The following DIAPH2 variants were observed in gnomAD, a reference collection of about 807,000 sequenced individuals.
DIAPH2 encodes protein diaphanous homolog 2.
DIAPH2 carries 35 observed loss-of-function variants against 92.7 expected under a neutral mutation model. That is an observed-to-expected ratio of 0.38 (90% CI 0.29 to 0.50). The LOEUF (loss-of-function observed/expected upper bound fraction) is 0.50. Among genes scored for constraint, DIAPH2 ranks in the 20% least tolerant of loss-of-function variants. The pLI, the probability that DIAPH2 is intolerant of heterozygous loss-of-function variation, is 0.94. For synonymous variants in DIAPH2, 301 were observed against 280.4 expected, an observed-to-expected ratio of 1.07 and a Z score of -0.73; for missense variants, 701 against 819.5, an observed-to-expected ratio of 0.86 and a Z score of 1.77.
intron 26 of DIAPH2, among the ~76,000 whole-genome samples, chrX:97,579,743 G>A (rs771413298): frequency 6.4e-5 from 7 of 110,016 alleles, no homozygotes; most frequent in African/African-American, 2.0e-4. Flanking sequence ...CATTGAATCT[G>A]TAAATTACCT....
At chrX:97,572,824 T>A (rs2147875131) in intron 26 of DIAPH2, among the ~76,000 whole-genome samples, 1 of 111,715 alleles carries the variant, frequency 9.0e-6, no homozygotes, top group East Asian at 2.8e-4. Flanking sequence ...TCTACTAAAT[T>A]AATTATTTCT....
chrX:97,373,680 C>T (rs969812557), intron 24 of DIAPH2, among the ~76,000 whole-genome samples: 1 of 99,567 alleles, frequency 1.0e-5, no homozygotes, highest in African/African-American at 3.7e-5. Context: ...CGACTCGGCT[C>T]ACTGCAACCT....
At chrX:97,097,353 G>C (rs2066876376) in intron 19 of DIAPH2, among the ~76,000 whole-genome samples, 1 of 111,899 alleles carries the variant, frequency 8.9e-6, no homozygotes, top group Admixed American at 9.5e-5. Flanking sequence ...TAATTCGCAA[G>C]TACAACTTAC....
At chrX:96,929,014 G>A (rs1221502546) in intron 9 of DIAPH2, among the ~76,000 whole-genome samples, 1 of 111,180 alleles carries the variant, frequency 9.0e-6, no homozygotes, top group Admixed American at 9.6e-5. Context: ...TTTACTTGTA[G>A]GGTATTAATA....
chrX:97,482,543 G>A (rs767913027), intron 26 of DIAPH2, among the ~76,000 whole-genome samples: 2 of 111,631 alleles, frequency 1.8e-5, no homozygotes, highest in Admixed American at 1.9e-4. Flanking sequence ...ACAGCAGGGG[G>A]GAGAATTTGG....
rs773629206 is a variant in DIAPH2 at position 97,146,583 on chromosome X, A to G, written c.2719+4789A>G. Among the ~76,000 whole-genome samples, 3 of 111,590 alleles carry G rather than the reference A, an allele frequency of 2.7e-5. No homozygotes were observed. In the Admixed American group the frequency reaches 2.9e-4, roughly 11 times the overall value. On this transcript the variant is annotated intron_variant, in intron 22 of 26. Transcript: ENST00000324765. ...CATCAACATTACTGGCAAAGGGGAAAAAAATCACCTTGAAGTGAAAGGCAA... is the reference window on the plus strand; with the variant it reads ...CATCAACATTACTGGCAAAGGGGAAGAAAATCACCTTGAAGTGAAAGGCAA...
intron 21 of DIAPH2, among the ~76,000 whole-genome samples, chrX:97,131,154 A>T (rs1021684041): frequency 6.3e-5 from 7 of 110,989 alleles, no homozygotes; most frequent in Non-Finnish European, 1.3e-4. Context: ...ATTATCTGTA[A>T]TTATATCCAA....
At chrX:96,716,896 A>G (rs1023075962) in intron 1 of DIAPH2, among the ~76,000 whole-genome samples, 5 of 110,653 alleles carry the variant, frequency 4.5e-5, no homozygotes, top group Admixed American at 9.6e-5. Flanking sequence ...TTCTTTTTCT[A>G]TTTGCCTAAG....
At chrX:97,202,747 C>A (rs1402547112) in intron 22 of DIAPH2, among the ~76,000 whole-genome samples, 2 of 111,569 alleles carry the variant, frequency 1.8e-5, no homozygotes, top group Non-Finnish European at 3.8e-5. Context: ...GACTTTAACA[C>A]CCCACTGTCA....
rs369619942 is a variant in DIAPH2 at position 96,738,768 on chromosome X, T to C, written c.342+6T>C. On this transcript the variant is annotated splice_donor_region_variant and intron_variant, in intron 3 of 26. Transcript: ENST00000324765. ...ATCTCTTTGAAAAAATGATGGTAAGTTATACCCCTAATTTTGATGTAATTT... is the reference window on the plus strand; with the variant it reads ...ATCTCTTTGAAAAAATGATGGTAAGCTATACCCCTAATTTTGATGTAATTT... 312 of 1,179,427 alleles carry C rather than the reference T, an allele frequency of 2.6e-4. 1 individual carries two copies. Among genetic ancestry groups the C allele is most frequent in the Middle Eastern group, 1.9e-3 (8 of 4,172 alleles).
intron 1 of DIAPH2, among the ~76,000 whole-genome samples, chrX:96,724,268 G>GA (rs1164121199): frequency 9.0e-6 from 1 of 111,231 alleles, no homozygotes; most frequent in African/African-American, 3.3e-5. Context: ...GTTTTTCAGT[G>GA]ATCTACTGAC....
chrX:96,884,258 G>A (rs1429088506), intron 5 of DIAPH2: 1 of 1,104,493 alleles, frequency 9.1e-7, no homozygotes, highest in African/African-American at 1.8e-5. Flanking sequence ...GCCGTCCGTG[G>A]AGCCCCAGAC....
At chrX:96,848,429 T>C (rs766447590) in intron 4 of DIAPH2, among the ~76,000 whole-genome samples, 30 of 112,178 alleles carry the variant, frequency 2.7e-4, no homozygotes, top group Non-Finnish European at 5.3e-4. Context: ...CAAGTTGACA[T>C]ATGGGAATTT....
intron 16 of DIAPH2, 147 bp downstream of exon 16, chrX:96,958,295 G>C: frequency 1.5e-6 from 1 of 678,707 alleles, no homozygotes; most frequent in Non-Finnish European, 2.0e-6. Flanking sequence ...TTTCAATTTA[G>C]GTTGTAGATA....
chrX:97,053,421 A>T (rs922168537), intron 17 of DIAPH2, among the ~76,000 whole-genome samples: 23 of 111,613 alleles, frequency 2.1e-4, no homozygotes, highest in African/African-American at 5.5e-4. Context: ...TACTTTCAGG[A>T]ACAGAAATTA....
rs1007488124 is a variant in DIAPH2, at chrX:97,482,568, T to G, written c.3241+52823T>G. Among the ~76,000 whole-genome samples the G allele has an allele frequency of 4.6e-5, 5 of 109,010 alleles. No individual in the cohort carries two copies. The East Asian group carries it at 1.4e-3, about 31-fold the overall frequency. The allele number at this position is 109,010 out of a possible 115,157, so 94.7% of individuals were successfully genotyped here. A position where few individuals can be genotyped will look rare whatever the true frequency, so the allele number is the denominator to read the frequency against. On this transcript the variant is annotated intron_variant, in intron 26 of 26. Transcript: ENST00000324765. The stretch of plus-strand genomic sequence containing the variant: ...GGAGAATTTGGCCAAATGGCTGGAC[T>G]CTCTCAAACATCTGTGAGGGACAGA...
chrX:97,352,640 T>G (rs1354432628), intron 24 of DIAPH2, among the ~76,000 whole-genome samples: 3 of 107,788 alleles, frequency 2.8e-5, no homozygotes, highest in African/African-American at 1.0e-4. Flanking sequence ...GAGGCCAAGG[T>G]GGGCAGATCA....
At chrX:97,256,184 C>T (rs1172534249) in intron 23 of DIAPH2, among the ~76,000 whole-genome samples, 3 of 112,028 alleles carry the variant, frequency 2.7e-5, no homozygotes, top group African/African-American at 3.2e-5. Flanking sequence ...AGAAATAACA[C>T]AAAAAAGAAG....
intron 1 of DIAPH2, among the ~76,000 whole-genome samples, chrX:96,696,254 A>C (rs2063824838): frequency 9.0e-6 from 1 of 111,652 alleles, no homozygotes; most frequent in Non-Finnish European, 1.9e-5. Context: ...CTCTAAAAGA[A>C]AAGAAAAATT....
Sources: allele counts gnomAD v4.1 joint callset (sites outside exome capture counted in the v4.1 genomes callset), GRCh38; gene constraint gnomAD v4.1.1; transcripts MANE v1.5; gene names NCBI Gene and HGNC (gene_info 2026-07-23, HGNC 2026-07-21).